RSAD2: variants seen among roughly 807,000 people sequenced by gnomAD.
RSAD2 encodes S-adenosylmethionine-dependent nucleotide dehydratase RSAD2.
Under a neutral mutation model 37.7 loss-of-function variants are expected in RSAD2, and 38 were observed. The observed-to-expected ratio is 1.01, with a 90% confidence interval of 0.78 to 1.32. The LOEUF (loss-of-function observed/expected upper bound fraction) is 1.32, where lower values mean the gene tolerates loss of function less well. Ranked by LOEUF, RSAD2 falls within the 40% of genes most tolerant of loss-of-function variation. RSAD2 has a pLI of 0.00. For missense variants in RSAD2, 428 were observed against 437.5 expected (o/e 0.98, Z 0.19); for synonymous variants, 163 against 157.4 (o/e 1.04, Z -0.27).
At chr2:6,889,034 C>T (rs1663577103) in intron 3 of RSAD2, among the ~76,000 whole-genome samples, 1 of 152,240 alleles carries the variant, frequency 6.6e-6, no homozygotes. Context: ...ATCCCACACC[C>T]TCAATATTGT....
intron 1 of RSAD2, among the ~76,000 whole-genome samples, chr2:6,868,451 G>T (rs1020306565): frequency 2.0e-4 from 30 of 152,082 alleles, no homozygotes; most frequent in African/African-American, 7.2e-4. Context: ...ATTCATAAAA[G>T]TGAATATTAT....
chr2:6,893,565 A>C, intron 4 of RSAD2, 106 bp from the exon 5 acceptor site: 1 of 895,966 alleles, frequency 1.1e-6, no homozygotes, highest in Non-Finnish European at 1.8e-6. Context: ...GAAATGAGAA[A>C]TGCTGGATCC....
intron 1 of RSAD2, among the ~76,000 whole-genome samples, chr2:6,879,810 A>T (rs1223640144): frequency 6.6e-6 from 1 of 152,300 alleles, no homozygotes; most frequent in African/African-American, 2.4e-5. Context: ...AAATGAATGA[A>T]TGCATGAGTG....
upstream of RSAD2, chr2:6,876,671 T>C (rs1663287393): frequency 6.6e-6 from 1 of 152,232 alleles, no homozygotes; most frequent in Non-Finnish European, 1.5e-5. Context: ...GTTAAACATG[T>C]TTAATTTTTT....
chr2:6,898,029 CT>C lies in RSAD2; in HGVS notation c.*2088del, dbSNP rs1663816634. On this transcript the variant is annotated 3_prime_UTR_variant, in exon 6 of 6. Coordinates refer to ENST00000382040, the MANE Select transcript of RSAD2 (RefSeq NM_080657.5). ...AAAAAAAAAAAGCAAGAGAGTTCAA[CT>C]AAGAAAGGTCACATATGTGAAAGCC... 6.9e-6 allele frequency: 1 copy of C among 145,872 alleles called. No homozygotes were observed. The highest frequency in any genetic ancestry group is 2.5e-5 in the African/African-American group (1 of 39,672). 9.0% of individuals were successfully genotyped at this position (145,872 alleles called of 1,614,324 possible).
rs144587320 is a variant in RSAD2 at position 6,891,225 on chromosome 2, A to C, written c.888+900A>C. Among the ~76,000 whole-genome samples the C allele has an allele frequency of 3.8e-3, 585 of 152,302 alleles. 3 individuals are homozygous for C. The highest frequency in any genetic ancestry group is 0.014 in the African/African-American group (572 of 41,570). On this transcript the variant is annotated intron_variant, in intron 4 of 5. Transcript: ENST00000382040. Reference sequence around the variant, plus strand: ...AAAACAAATGGTGAATAAACATTTTAAGAGTATTTGATATTGTCTATATTC... The same window carrying C: ...AAAACAAATGGTGAATAAACATTTTCAGAGTATTTGATATTGTCTATATTC...
intron 1 of RSAD2, chr2:6,866,313 A>C: frequency 3.4e-5 from 17 of 499,520 alleles, no homozygotes; most frequent in South Asian, 8.1e-5. Context: ...CTAATCCTGC[A>C]GAGCTGCTTT....
chr2:6,896,102 A>G lies in RSAD2; in HGVS notation c.*160A>G. The stretch of plus-strand genomic sequence containing the variant: ...ACCTGTGGTCACTGAACACACGAAT[A>G]ACTTGGATAGCAAATCCTGAGACAA... On this transcript the variant is annotated 3_prime_UTR_variant, in exon 6 of 6. Transcript: ENST00000382040. 1 of 566,364 alleles carries G rather than the reference A, an allele frequency of 1.8e-6. No individual in the cohort carries two copies. The highest frequency in any genetic ancestry group is 3.2e-5 in the South Asian group (1 of 31,098). The allele number at this position is 566,364 out of a possible 1,614,324, so 35.1% of individuals were successfully genotyped here.
intron 4 of RSAD2, among the ~76,000 whole-genome samples, chr2:6,893,235 C>T (rs1326280892): frequency 1.2e-5 from 1 of 83,832 alleles, no homozygotes; most frequent in Non-Finnish European, 2.8e-5. Context: ...ATAAAATCCT[C>T]AGGTAAATCG....
chr2:6,892,710 A>G (rs1663657731), intron 4 of RSAD2, among the ~76,000 whole-genome samples: 1 of 152,020 alleles, frequency 6.6e-6, no homozygotes, highest in Non-Finnish European at 1.5e-5. Flanking sequence ...TTGGCCCACC[A>G]CTCTGCACCT....
intron 1 of RSAD2, among the ~76,000 whole-genome samples, chr2:6,871,198 C>G (rs999481735): frequency 6.6e-6 from 1 of 152,220 alleles, no homozygotes; most frequent in Non-Finnish European, 1.5e-5. Context: ...TTAGCGCTTG[C>G]AGGACCAACA....
intron 4 of RSAD2, among the ~76,000 whole-genome samples, chr2:6,891,420 A>G (rs996610813): frequency 1.3e-5 from 2 of 152,222 alleles, no homozygotes; most frequent in Non-Finnish European, 2.9e-5. Flanking sequence ...AAAACAAGAG[A>G]AATATTCACA....
rs1167806998 is a variant in RSAD2 at position 6,897,759 on chromosome 2, G to A, written c.*1817G>A. The A allele has an allele frequency of 1.3e-5, 2 of 152,204 alleles. No homozygotes were observed. The highest frequency in any genetic ancestry group is 2.9e-5 in the Non-Finnish European group (2 of 68,058). 9.4% of individuals were successfully genotyped at this position (152,204 alleles called of 1,614,324 possible). ...TCACGCCTGTAATCCCAGCACTTGGGAGGACAATGTGGGTGGATCACGAGG... is the reference window on the plus strand; with the variant it reads ...TCACGCCTGTAATCCCAGCACTTGGAAGGACAATGTGGGTGGATCACGAGG... On this transcript the variant is annotated 3_prime_UTR_variant, in exon 6 of 6. Transcript: ENST00000382040.
chr2:6,891,764 TCAAA>T (rs1219839074), intron 4 of RSAD2, among the ~76,000 whole-genome samples: 4 of 151,908 alleles, frequency 2.6e-5, no homozygotes, highest in Admixed American at 2.6e-4. Flanking sequence ...AGACTCTGTC[TCAAA>T]CAAACAAACA....
In RSAD2 at chr2:6,890,254, G is replaced by A; in HGVS notation, c.817G>A (p.Asp273Asn). ...AGAAGCAGAAAGATTTGTTATTGGT[G>A]ATGAAGAATTTGAAAGATTCTTGGA... ...LREAERFVIGDEEFERFLERH... is the reference protein window; with the variant it reads ...LREAERFVIGNEEFERFLERH... Residue 273 changes from aspartate (D) to asparagine (N), a missense_variant, in exon 4 of 6, where the codon GAT becomes AAT. Coordinates refer to ENST00000382040, the MANE Select transcript of RSAD2 (RefSeq NM_080657.5). 3 of 1,614,190 alleles carry A rather than the reference G, an allele frequency of 1.9e-6. No individual in the cohort carries two copies. Among genetic ancestry groups the A allele is most frequent in the Non-Finnish European group, 2.5e-6 (3 of 1,180,020 alleles).
At chr2:6,888,790 G>A (rs893820878) in intron 3 of RSAD2, among the ~76,000 whole-genome samples, 1 of 152,172 alleles carries the variant, frequency 6.6e-6, no homozygotes, top group Non-Finnish European at 1.5e-5. Flanking sequence ...GATGTAAATT[G>A]ATGCTTCTGG....
intron 2 of RSAD2, among the ~76,000 whole-genome samples, chr2:6,885,386 G>A (rs1172105972): frequency 2.6e-5 from 4 of 152,142 alleles, no homozygotes; most frequent in Admixed American, 1.3e-4. Flanking sequence ...CCCCAACAAC[G>A]CAACCAAGGA....
chr2:6,895,822 G>A lies in RSAD2; in HGVS notation c.966G>A (p.Lys322=). 6.2e-7 allele frequency: 1 copy of A among 1,614,180 alleles called. No homozygotes were observed. The highest frequency in any genetic ancestry group is 8.5e-7 in the Non-Finnish European group (1 of 1,180,006). Residue 322 remains lysine, a synonymous_variant, in exon 6 of 6, where the codon AAG becomes AAA. Coordinates refer to ENST00000382040, the MANE Select transcript of RSAD2 (RefSeq NM_080657.5). Reference sequence around the variant, plus strand: ...GAAAGGGACGGAAGGACCCTTCCAAGTCCATCCTGGATGTTGGTGTAGAAG... The same window carrying A: ...GAAAGGGACGGAAGGACCCTTCCAAATCCATCCTGGATGTTGGTGTAGAAG... ...NCRKGRKDPS[K]SILDVGVEEA...
At chr2:6,886,272 G>A (rs953714119) in intron 2 of RSAD2, among the ~76,000 whole-genome samples, 1 of 152,188 alleles carries the variant, frequency 6.6e-6, no homozygotes, top group African/African-American at 2.4e-5. Context: ...CAAAGCAAAG[G>A]TAATTGTGAA....
Sources: allele counts gnomAD v4.1 joint callset (sites outside exome capture counted in the v4.1 genomes callset), GRCh38; gene constraint gnomAD v4.1.1; transcripts MANE v1.5; gene names NCBI Gene and HGNC (gene_info 2026-07-23, HGNC 2026-07-21).